Variants in SGCZ observed in about 807,000 individuals in gnomAD.
SGCZ encodes sarcoglycan zeta.
Under a neutral mutation model 41.3 loss-of-function variants are expected in SGCZ, and 40 were observed. The ratio of observed to expected loss-of-function variants is 0.97; its 90% CI spans 0.75 to 1.26. SGCZ has a LOEUF of 1.26. Among genes scored for constraint, SGCZ ranks in the 50% most tolerant of loss-of-function variants. The pLI, the probability that SGCZ is intolerant of heterozygous loss-of-function variation, is 0.00. For missense variants in SGCZ, 552 were observed against 369.8 expected, an observed-to-expected ratio of 1.49 and a Z score of -4.04; for synonymous variants, 206 against 137.5, an observed-to-expected ratio of 1.50 and a Z score of -3.49.
chr8:15,237,476 C>T (rs1802172707), intron 1 of SGCZ, 109 bp downstream of exon 1: 6 of 1,349,210 alleles, frequency 4.4e-6, no homozygotes, highest in Admixed American at 2.0e-5. Context: ...CCCTCGTCGT[C>T]CCGCGGGACC....
intron 2 of SGCZ, among the ~76,000 whole-genome samples, chr8:14,499,404 T>C (rs1802084273): frequency 6.6e-6 from 1 of 152,024 alleles, no homozygotes; most frequent in Non-Finnish European, 1.5e-5. Flanking sequence ...CTGTATTTCT[T>C]TCTTCATCTT....
intron 4 of SGCZ, among the ~76,000 whole-genome samples, chr8:14,231,171 G>GTGTGTC (rs1806554253): frequency 6.7e-6 from 1 of 149,294 alleles, no homozygotes; most frequent in Non-Finnish European, 1.5e-5. Flanking sequence ...GTGTGTGTGT[G>GTGTGTC]TGTGTGTGTG....
chr8:15,145,558 C>G (rs1469366860), intron 1 of SGCZ, among the ~76,000 whole-genome samples: 1 of 152,206 alleles, frequency 6.6e-6, no homozygotes, highest in Non-Finnish European at 1.5e-5. Context: ...CCTGGAACTC[C>G]TGGATTTGAG....
At chr8:14,822,658 C>A (rs888356680) in intron 1 of SGCZ, among the ~76,000 whole-genome samples, 1 of 151,944 alleles carries the variant, frequency 6.6e-6, no homozygotes, top group Non-Finnish European at 1.5e-5. Flanking sequence ...AAAAGAGAGC[C>A]CAGAAACAAA....
intron 2 of SGCZ, among the ~76,000 whole-genome samples, chr8:14,501,237 C>G (rs920356699): frequency 4.0e-5 from 6 of 151,706 alleles, no homozygotes; most frequent in African/African-American, 1.5e-4. Flanking sequence ...CTATTAACAT[C>G]CTTATAATTG....
intron 1 of SGCZ, among the ~76,000 whole-genome samples, chr8:14,954,862 A>G (rs914107590): frequency 7.2e-5 from 11 of 152,176 alleles, no homozygotes; most frequent in African/African-American, 2.7e-4. Context: ...GTGGACTGTT[A>G]AGTCATTGTT....
At chr8:14,479,119 G>A (rs563287906) in intron 2 of SGCZ, among the ~76,000 whole-genome samples, 1 of 152,140 alleles carries the variant, frequency 6.6e-6, no homozygotes, top group South Asian at 2.1e-4. Flanking sequence ...GAAGTCCCAC[G>A]ATAGGCCATC....
chr8:14,419,853 A>T (rs995603092), intron 2 of SGCZ, among the ~76,000 whole-genome samples: 1 of 152,026 alleles, frequency 6.6e-6, no homozygotes, highest in African/African-American at 2.4e-5. Flanking sequence ...GCTGACTTGA[A>T]AGTCCAATCT....
intron 1 of SGCZ, among the ~76,000 whole-genome samples, chr8:14,564,819 T>G (rs1014407207): frequency 6.6e-6 from 1 of 152,156 alleles, no homozygotes; most frequent in African/African-American, 2.4e-5. Context: ...TTGAGAGAGA[T>G]TGAAACAATA....
intron 4 of SGCZ, among the ~76,000 whole-genome samples, chr8:14,230,965 T>C (rs566690372): frequency 6.6e-6 from 1 of 152,200 alleles, no homozygotes; most frequent in South Asian, 2.1e-4. Context: ...TGAGATTTTA[T>C]TTCAACGTGG....
chr8:14,810,524 C>G (rs146790986), intron 1 of SGCZ, among the ~76,000 whole-genome samples: 2,628 of 151,772 alleles, frequency 0.017, 41 homozygotes, highest in South Asian at 0.066. Flanking sequence ...ACCACAGGCA[C>G]AAAAAATAAA....
chr8:14,145,447 G>A (rs117091007), intron 5 of SGCZ, among the ~76,000 whole-genome samples: 1,614 of 152,186 alleles, frequency 0.011, 9 homozygotes, highest in Middle Eastern at 0.031. Flanking sequence ...TCAAATACCC[G>A]AAAGTCTTCC....
At chr8:14,214,708 A>C (rs1316516265) in intron 4 of SGCZ, among the ~76,000 whole-genome samples, 2 of 152,124 alleles carry the variant, frequency 1.3e-5, no homozygotes, top group East Asian at 3.9e-4. Context: ...TTTTTTTAAA[A>C]AAAGCAGGAA....
chr8:14,861,973 A>AC (rs1803765120), intron 1 of SGCZ, among the ~76,000 whole-genome samples: 1 of 152,116 alleles, frequency 6.6e-6, no homozygotes, highest in African/African-American at 2.4e-5. Flanking sequence ...CTATAAAGGC[A>AC]CATTAAGAAG....
At position 14,087,556 on chromosome 8, in the gene SGCZ, A is replaced by G. The variant is rs1801557171; in HGVS notation, c.*2887T>C. 6.6e-6 allele frequency among the ~76,000 whole-genome samples: 1 copy of G among 151,616 alleles called. No homozygotes were observed. The highest frequency in any genetic ancestry group is 2.4e-5 in the African/African-American group (1 of 41,354). ...TAAGATAGCTTAGTCGCATCCATGT[A>G]GTACACTATAAAGGACTCATTTTTC... On this transcript the variant is annotated 3_prime_UTR_variant, in exon 8 of 8. Transcript: ENST00000382080.
chr8:14,800,281 C>T (rs1801280665), intron 1 of SGCZ, among the ~76,000 whole-genome samples: 1 of 152,232 alleles, frequency 6.6e-6, no homozygotes, highest in South Asian at 2.1e-4. Context: ...AAATGTCTAT[C>T]ACTCTAGTGG....
intron 3 of SGCZ, among the ~76,000 whole-genome samples, chr8:14,287,490 T>C (rs1457526523): frequency 3.3e-5 from 5 of 152,060 alleles, no homozygotes; most frequent in African/African-American, 1.2e-4. Flanking sequence ...CTGTAAGATA[T>C]TAATGAGTTT....
chr8:14,924,486 T>A (rs1799685204), intron 1 of SGCZ, among the ~76,000 whole-genome samples: 1 of 152,176 alleles, frequency 6.6e-6, no homozygotes, highest in Admixed American at 6.5e-5. Context: ...GTTTTATATT[T>A]TGTGGTATTC....
At chr8:15,104,392 G>C (rs560159841) in intron 1 of SGCZ, among the ~76,000 whole-genome samples, 1 of 152,178 alleles carries the variant, frequency 6.6e-6, no homozygotes, top group Non-Finnish European at 1.5e-5. Context: ...ATCAGACAGA[G>C]AGAAACCACA....
Sources: allele counts gnomAD v4.1 joint callset (sites outside exome capture counted in the v4.1 genomes callset), GRCh38; gene constraint gnomAD v4.1.1; transcripts MANE v1.5; gene names NCBI Gene and HGNC (gene_info 2026-07-23, HGNC 2026-07-21).